The following CNTNAP2 variants were observed in gnomAD, a reference collection of about 807,000 sequenced individuals.
The protein encoded by CNTNAP2 is contactin associated protein 2.
CNTNAP2 carries 98 observed loss-of-function variants against 155.2 expected under a neutral mutation model. That is an observed-to-expected ratio of 0.63 (90% confidence interval 0.54 to 0.75). The LOEUF is 0.75. Ranked by LOEUF, CNTNAP2 falls within the 30% of genes least tolerant of loss-of-function variation. CNTNAP2 has a pLI of 0.00. For synonymous variants in CNTNAP2, 651 were observed against 631.2 expected (o/e 1.03, Z -0.47); for missense variants, 1,727 against 1,688.1 (o/e 1.02, Z -0.40).
intron 21 of CNTNAP2, among the ~76,000 whole-genome samples, chr7:148,364,183 T>G (rs1239699198): frequency 6.6e-6 from 1 of 152,204 alleles, no homozygotes; most frequent in Non-Finnish European, 1.5e-5. Context: ...ACCCAAGGGC[T>G]GAGGAATGTG....
At chr7:147,932,190 A>G (rs2116800294) in intron 14 of CNTNAP2, among the ~76,000 whole-genome samples, 1 of 152,300 alleles carries the variant, frequency 6.6e-6, no homozygotes, top group South Asian at 2.1e-4. Flanking sequence ...CCGCCCCAGC[A>G]TTTTTTACAG....
intron 12 of CNTNAP2, 146 bp from the exon 13 acceptor site, chr7:147,638,960 G>A (rs753483763): frequency 3.5e-5 from 29 of 819,106 alleles, no homozygotes; most frequent in Middle Eastern, 2.2e-4. Context: ...GCAAAGAGCA[G>A]GGGGTTTTAA....
intron 13 of CNTNAP2, among the ~76,000 whole-genome samples, chr7:147,647,972 G>C (rs149406731): frequency 6.6e-6 from 1 of 152,206 alleles, no homozygotes; most frequent in Non-Finnish European, 1.5e-5. Flanking sequence ...GGCTGCTGGA[G>C]TTTCATGTCA....
intron 1 of CNTNAP2, among the ~76,000 whole-genome samples, chr7:146,239,989 TA>T (rs1358406020): frequency 3.3e-5 from 5 of 152,232 alleles, no homozygotes; most frequent in African/African-American, 1.2e-4. Flanking sequence ...ATTTTTTCAT[TA>T]GATTTATAAA....
intron 1 of CNTNAP2, among the ~76,000 whole-genome samples, chr7:146,606,918 G>C (rs1183540833): frequency 4.6e-5 from 7 of 152,140 alleles, no homozygotes; most frequent in Non-Finnish European, 7.3e-5. Context: ...GAAATTCACT[G>C]TGATCCTGCT....
At chr7:148,077,600 A>T (rs1803513769) in intron 15 of CNTNAP2, among the ~76,000 whole-genome samples, 1 of 152,178 alleles carries the variant, frequency 6.6e-6, no homozygotes, top group South Asian at 2.1e-4. Context: ...AACAGACCAG[A>T]ATTAGTACGT....
intron 1 of CNTNAP2, among the ~76,000 whole-genome samples, chr7:146,143,043 T>A (rs1797902638): frequency 6.6e-6 from 1 of 152,154 alleles, no homozygotes; most frequent in African/African-American, 2.4e-5. Context: ...ATTTTCCAAA[T>A]CCAGAGCCAT....
intron 15 of CNTNAP2, among the ~76,000 whole-genome samples, chr7:148,004,265 C>A (rs1801939280): frequency 6.6e-6 from 1 of 152,144 alleles, no homozygotes; most frequent in Admixed American, 6.5e-5. Flanking sequence ...AACACAGTTT[C>A]TAGTATGTGA....
chr7:146,352,902 C>G (rs1296412754), intron 1 of CNTNAP2, among the ~76,000 whole-genome samples: 1 of 151,326 alleles, frequency 6.6e-6, no homozygotes, highest in East Asian at 2.0e-4. Context: ...CTACAGGCAC[C>G]CGCCACCACG....
At chr7:146,528,671 T>A (rs1212851215) in intron 1 of CNTNAP2, among the ~76,000 whole-genome samples, 2 of 152,098 alleles carry the variant, frequency 1.3e-5, no homozygotes, top group Non-Finnish European at 2.9e-5. Flanking sequence ...TTGAAATTAG[T>A]GAGGATATTA....
At chr7:148,082,561 T>C (rs541208468) in intron 15 of CNTNAP2, among the ~76,000 whole-genome samples, 45 of 152,182 alleles carry the variant, frequency 3.0e-4, no homozygotes, top group African/African-American at 1.1e-3. Context: ...AGGACGCTCA[T>C]TGTGGTATGA....
At chr7:146,709,860 G>T (rs1195425963) in intron 1 of CNTNAP2, among the ~76,000 whole-genome samples, 1 of 152,190 alleles carries the variant, frequency 6.6e-6, no homozygotes, top group Non-Finnish European at 1.5e-5. Flanking sequence ...CCCATGCTCT[G>T]TTCAGAGTCC....
At chr7:147,949,458 A>ATATATATATATATATATATTT (rs1433579404) in intron 14 of CNTNAP2, among the ~76,000 whole-genome samples, 3 of 137,386 alleles carry the variant, frequency 2.2e-5, no homozygotes, top group Admixed American at 7.2e-5. Flanking sequence ...ATATATATAT[A>ATATATATATATATATATATTT]TTTTTTTTTT....
intron 21 of CNTNAP2, among the ~76,000 whole-genome samples, chr7:148,342,765 T>C (rs1798257553): frequency 6.6e-6 from 1 of 152,186 alleles, no homozygotes; most frequent in Non-Finnish European, 1.5e-5. Flanking sequence ...GTGCAATGGC[T>C]TGAGGGAAAA....
chr7:146,385,178 C>G (rs1795443128), intron 1 of CNTNAP2, among the ~76,000 whole-genome samples: 1 of 152,038 alleles, frequency 6.6e-6, no homozygotes, highest in South Asian at 2.1e-4. Flanking sequence ...CCTTCCAGCT[C>G]TAACATTTCT....
chr7:148,301,587 C>A lies in CNTNAP2; in HGVS notation c.3475+34461C>A, dbSNP rs142953708. ...TACTTCTAGTTAATGTTTTAAGTACCCAATTAGTGATTTTTTAAAAAGGAA... is the reference window on the plus strand; with the variant it reads ...TACTTCTAGTTAATGTTTTAAGTACACAATTAGTGATTTTTTAAAAAGGAA... On this transcript the variant is annotated intron_variant, in intron 21 of 23. Coordinates refer to ENST00000361727, the MANE Select transcript of CNTNAP2 (RefSeq NM_014141.6). Among the ~76,000 whole-genome samples the A allele has an allele frequency of 2.2e-3, 342 of 152,012 alleles. 5 individuals carry two copies. Among genetic ancestry groups the A allele is most frequent in the South Asian group, 7.9e-3 (38 of 4,816 alleles).
chr7:147,699,925 A>G (rs1419660957), intron 13 of CNTNAP2, among the ~76,000 whole-genome samples: 1 of 152,202 alleles, frequency 6.6e-6, no homozygotes, highest in Admixed American at 6.5e-5. Context: ...TATAAATGGA[A>G]TCACACAATA....
chr7:147,765,608 G>A (rs192280214), intron 13 of CNTNAP2, among the ~76,000 whole-genome samples: 63 of 152,200 alleles, frequency 4.1e-4, no homozygotes, highest in Non-Finnish European at 7.9e-4. Context: ...GAGAAATAGC[G>A]AGTTATACAT....
chr7:147,269,855 C>T (rs545121344), intron 8 of CNTNAP2, among the ~76,000 whole-genome samples: 1 of 152,136 alleles, frequency 6.6e-6, no homozygotes, highest in South Asian at 2.1e-4. Context: ...GAGTTCCAGA[C>T]CAGCCTGGAT....
Sources: allele counts gnomAD v4.1 joint callset (sites outside exome capture counted in the v4.1 genomes callset), GRCh38; gene constraint gnomAD v4.1.1; transcripts MANE v1.5; gene names NCBI Gene and HGNC (gene_info 2026-07-23, HGNC 2026-07-21).